Variants in R3HCC1L observed in about 807,000 individuals in gnomAD.
R3HCC1L encodes the protein coiled-coil domain-containing protein R3HCC1L.
A neutral mutation model predicts 59.9 loss-of-function variants in R3HCC1L; 51 were observed. The ratio of observed to expected loss-of-function variants is 0.85; its 90% CI spans 0.68 to 1.07. The LOEUF (loss-of-function observed/expected upper bound fraction) is 1.07. Among genes scored for constraint, R3HCC1L ranks in the 50% least tolerant of loss-of-function variants. The probability of loss-of-function intolerance (pLI) is 0.00; values close to 1 mark genes in which losing one functional copy is unlikely to be tolerated. For synonymous variants in R3HCC1L, 322 were observed against 315.2 expected (o/e 1.02, Z -0.23); for missense variants, 965 against 933.0 (o/e 1.03, Z -0.45).
intron 4 of R3HCC1L, among the ~76,000 whole-genome samples, chr10:98,200,033 C>A (rs536156178): frequency 6.6e-5 from 10 of 151,918 alleles, no homozygotes; most frequent in Non-Finnish European, 1.3e-4. Flanking sequence ...TTTTCTTAAC[C>A]CTTTCTCAAT....
At chr10:98,159,050 C>T (rs955300768) in intron 2 of R3HCC1L, among the ~76,000 whole-genome samples, 4 of 152,184 alleles carry the variant, frequency 2.6e-5, no homozygotes, top group African/African-American at 9.7e-5. Flanking sequence ...AAGTGATCCT[C>T]TTGCCTTGGC....
At chr10:98,216,649 T>C (rs1327521729) in intron 5 of R3HCC1L, among the ~76,000 whole-genome samples, 1 of 152,168 alleles carries the variant, frequency 6.6e-6, no homozygotes, top group African/African-American at 2.4e-5. Flanking sequence ...CTTAGCTCAC[T>C]GTAGCCTCAA....
chr10:98,143,652 C>T (rs1845386664), intron 1 of R3HCC1L, among the ~76,000 whole-genome samples: 1 of 152,068 alleles, frequency 6.6e-6, no homozygotes, highest in Non-Finnish European at 1.5e-5. Context: ...TGCAGTTTGC[C>T]CCCTCAGTGG....
intron 1 of R3HCC1L, among the ~76,000 whole-genome samples, chr10:98,151,256 G>T (rs951525398): frequency 6.6e-6 from 1 of 152,218 alleles, no homozygotes; most frequent in Non-Finnish European, 1.5e-5. Flanking sequence ...AGAAGGTCTA[G>T]TGTGCGCTGG....
intron 9 of R3HCC1L, among the ~76,000 whole-genome samples, chr10:98,237,319 C>T (rs1857071082): frequency 6.6e-6 from 1 of 152,080 alleles, no homozygotes; most frequent in Admixed American, 6.6e-5. Flanking sequence ...TGTCCTTAAC[C>T]CTTTGTTAAT....
chr10:98,166,886 C>T (rs1255489231), intron 4 of R3HCC1L, among the ~76,000 whole-genome samples: 6 of 151,970 alleles, frequency 3.9e-5, no homozygotes, highest in African/African-American at 1.2e-4. Flanking sequence ...AGGATGGTCT[C>T]GATCTCCTGA....
intron 4 of R3HCC1L, chr10:98,174,778 T>A (rs1848837761): frequency 1.0e-6 from 1 of 977,470 alleles, no homozygotes; most frequent in African/African-American, 1.8e-5. Context: ...TAAGCCTAGT[T>A]TATATATTGT....
At chr10:98,234,622 T>A (rs1001536626) in intron 7 of R3HCC1L, 106 bp downstream of exon 7, 2 of 1,198,168 alleles carry the variant, frequency 1.7e-6, no homozygotes, top group Non-Finnish European at 2.4e-6. Flanking sequence ...ATTCAGCCAG[T>A]GTAGGTAATA....
At chr10:98,201,666 G>T (rs1199977586) in intron 4 of R3HCC1L, among the ~76,000 whole-genome samples, 1 of 152,080 alleles carries the variant, frequency 6.6e-6, no homozygotes, top group Admixed American at 6.6e-5. Context: ...ACTTAATTCT[G>T]TATTTTCTAG....
chr10:98,182,546 C>T (rs1564658082), intron 4 of R3HCC1L, among the ~76,000 whole-genome samples: 1 of 152,168 alleles, frequency 6.6e-6, no homozygotes, highest in Non-Finnish European at 1.5e-5. Flanking sequence ...AAACACCGTG[C>T]TCGGAGAACC....
At chr10:98,155,221 A>G (rs1846726904) in intron 1 of R3HCC1L, among the ~76,000 whole-genome samples, 4 of 152,214 alleles carry the variant, frequency 2.6e-5, no homozygotes, top group Admixed American at 6.5e-5. Context: ...AAATAGATAA[A>G]TGAGCAGATT....
Position 98,209,136 on chromosome 10 carries a change from A to T in R3HCC1L, c.1022A>T (p.Asp341Val), listed in dbSNP as rs1853182073. The T allele has an allele frequency of 1.9e-6, 3 of 1,613,962 alleles. No homozygotes were observed. In the Admixed American group the frequency reaches 5.0e-5, roughly 27 times the overall value. Residue 341 changes from aspartate to valine, a missense_variant, in exon 5 of 10, where the codon GAT (aspartate) becomes GTT (valine). Asp to Val is a radical substitution (Grantham distance 152). Coordinates refer to ENST00000298999, the MANE Select transcript of R3HCC1L (RefSeq NM_001351015.2). ...TGTGAGAAGAATGACAGCACTGCTG[A>T]TGAGTTACATGTAAAGCACGAACCT... ...RECEKNDSTA[D>V]ELHVKHEPPD...
chr10:98,167,005 A>G (rs1241571645), intron 4 of R3HCC1L, among the ~76,000 whole-genome samples: 1 of 152,122 alleles, frequency 6.6e-6, no homozygotes, highest in Non-Finnish European at 1.5e-5. Flanking sequence ...TGATGTCAAT[A>G]CAATATGTGC....
chr10:98,135,841 A>G (rs577733464), intron 1 of R3HCC1L, among the ~76,000 whole-genome samples: 2 of 152,344 alleles, frequency 1.3e-5, no homozygotes, highest in East Asian at 3.9e-4. Flanking sequence ...ATATGGTTGT[A>G]CTACAACTAA....
intron 4 of R3HCC1L, among the ~76,000 whole-genome samples, chr10:98,191,213 C>T (rs1850806349): frequency 6.6e-6 from 1 of 152,138 alleles, no homozygotes; most frequent in Non-Finnish European, 1.5e-5. Flanking sequence ...GTTCTAGATC[C>T]TTGAGGAATT....
chr10:98,235,799 T>TA (rs1261556934), intron 8 of R3HCC1L, among the ~76,000 whole-genome samples: 2 of 152,218 alleles, frequency 1.3e-5, no homozygotes, highest in African/African-American at 4.8e-5. Flanking sequence ...AGCTGCCTGA[T>TA]AGAGTCACTG....
intron 5 of R3HCC1L, among the ~76,000 whole-genome samples, chr10:98,226,521 T>C (rs1275904731): frequency 6.6e-6 from 1 of 152,220 alleles, no homozygotes. Context: ...AGCTGCCTGG[T>C]TGGCAGAAAA....
intron 9 of R3HCC1L, among the ~76,000 whole-genome samples, chr10:98,242,054 A>T (rs1214748967): frequency 6.6e-6 from 1 of 152,124 alleles, no homozygotes; most frequent in East Asian, 1.9e-4. Flanking sequence ...AGTGTTAGGA[A>T]ATGTTTCAGG....
chr10:98,194,537 C>T (rs1368767182), intron 4 of R3HCC1L, among the ~76,000 whole-genome samples: 1 of 152,096 alleles, frequency 6.6e-6, no homozygotes, highest in African/African-American at 2.4e-5. Flanking sequence ...AGAGTGTAAA[C>T]ACAGCCTGAG....
Sources: allele counts gnomAD v4.1 joint callset (sites outside exome capture counted in the v4.1 genomes callset), GRCh38; gene constraint gnomAD v4.1.1; transcripts MANE v1.5; gene names NCBI Gene and HGNC (gene_info 2026-07-23, HGNC 2026-07-21).